CFAP210: variants seen among roughly 807,000 people sequenced by gnomAD.
CFAP210 encodes the protein cilia- and flagella- associated protein 210.
chr2:169,686,519 C>T, the CFAP210 span, among the ~76,000 whole-genome samples: 1 of 152,164 alleles, frequency 6.6e-6, no homozygotes, highest in African/African-American at 2.4e-5. Flanking sequence ...TGAGGGGCTG[C>T]ATTTGGTGAG....
At chr2:169,667,537 T>C in the CFAP210 span, among the ~76,000 whole-genome samples, 1 of 152,290 alleles carries the variant, frequency 6.6e-6, no homozygotes, top group African/African-American at 2.4e-5. Flanking sequence ...CTATGGCAGC[T>C]ACAGTCTTAT....
the CFAP210 span, among the ~76,000 whole-genome samples, chr2:169,666,390 T>C: frequency 2.0e-5 from 3 of 151,434 alleles, no homozygotes; most frequent in South Asian, 4.2e-4. Context: ...CTCAGAGATA[T>C]TGTGGGCTTG....
At chr2:169,675,188 GCTT>G in the CFAP210 span, 1 of 647,968 alleles carries the variant, frequency 1.5e-6, no homozygotes, top group African/African-American at 1.9e-5. Flanking sequence ...ACACTTATGA[GCTT>G]ATTTTTTAGA....
chr2:169,649,033 C>T, the CFAP210 span: 2 of 600,986 alleles, frequency 3.3e-6, no homozygotes, highest in African/African-American at 3.8e-5. Context: ...TAGAAACAAA[C>T]CTCACATTTT....
chr2:169,680,983 T>C, the CFAP210 span: 1 of 1,585,564 alleles, frequency 6.3e-7, no homozygotes, highest in Non-Finnish European at 8.7e-7. Context: ...AGTGCATGTG[T>C]ACTCCTGGAT....
At chr2:169,647,498 A>C in the CFAP210 span, among the ~76,000 whole-genome samples, 1 of 152,216 alleles carries the variant, frequency 6.6e-6, no homozygotes, top group Non-Finnish European at 1.5e-5. Context: ...TACATTTGGA[A>C]GATAATAGCT....
At chr2:169,665,017 G>C in the CFAP210 span, among the ~76,000 whole-genome samples, 3 of 152,190 alleles carry the variant, frequency 2.0e-5, no homozygotes, top group Non-Finnish European at 2.9e-5. Flanking sequence ...AGGGACTCCT[G>C]GGAAGAGCTG....
the CFAP210 span, among the ~76,000 whole-genome samples, chr2:169,682,950 T>C: frequency 6.6e-6 from 1 of 152,122 alleles, no homozygotes; most frequent in African/African-American, 2.4e-5. Flanking sequence ...TCTCAACAAA[T>C]ATTAGCTATT....
At chr2:169,685,618 G>T in the CFAP210 span, among the ~76,000 whole-genome samples, 1 of 152,046 alleles carries the variant, frequency 6.6e-6, no homozygotes, top group Non-Finnish European at 1.5e-5. Flanking sequence ...TTTGAGGAAG[G>T]CCAAATCTGT....
the CFAP210 span, among the ~76,000 whole-genome samples, chr2:169,675,479 G>A: frequency 1.3e-5 from 2 of 152,142 alleles, no homozygotes; most frequent in Admixed American, 6.6e-5. Context: ...CATGGCCAGA[G>A]CAGAAACAAG....
At chr2:169,678,670 C>G in the CFAP210 span, among the ~76,000 whole-genome samples, 1 of 151,634 alleles carries the variant, frequency 6.6e-6, no homozygotes. Context: ...ACTAAAAATA[C>G]AAAAATTAGC....
At chr2:169,674,471 TACTG>T in the CFAP210 span, 30 of 948,644 alleles carry the variant, frequency 3.2e-5, no homozygotes, top group African/African-American at 5.1e-5. Context: ...GTACTTTTTC[TACTG>T]ACTAATTATT....
chr2:169,669,007 CA>C, the CFAP210 span, among the ~76,000 whole-genome samples: 61 of 152,226 alleles, frequency 4.0e-4, no homozygotes, highest in Non-Finnish European at 7.5e-4. Context: ...AAAGCACAAT[CA>C]AACAAGGTAT....
chr2:169,649,679 A>G, the CFAP210 span, among the ~76,000 whole-genome samples: 3 of 152,180 alleles, frequency 2.0e-5, no homozygotes, highest in Non-Finnish European at 4.4e-5. Context: ...CTGTAATCTC[A>G]GCACTTTGGG....
chr2:169,652,596 T>G, the CFAP210 span, among the ~76,000 whole-genome samples: 2 of 152,028 alleles, frequency 1.3e-5, no homozygotes, highest in South Asian at 2.1e-4. Context: ...CTGGGCAACA[T>G]AGCAAGACCT....
the CFAP210 span, chr2:169,649,085 T>G: frequency 9.4e-7 from 1 of 1,061,654 alleles, no homozygotes; most frequent in Non-Finnish European, 1.3e-6. Flanking sequence ...ACCATTTTTT[T>G]CTTACCTGAT....
chr2:169,677,755 GAA>G, the CFAP210 span, among the ~76,000 whole-genome samples: 5 of 151,642 alleles, frequency 3.3e-5, no homozygotes, highest in Admixed American at 6.6e-5. Context: ...ATCCAGATTG[GAA>G]AAAAAAGAAT....
At chr2:169,674,990 T>A in the CFAP210 span, 3 of 1,546,624 alleles carry the variant, frequency 1.9e-6, no homozygotes, top group Non-Finnish European at 2.6e-6. Context: ...TTTCTGCCTC[T>A]ATTTCTTCAT....
the CFAP210 span, among the ~76,000 whole-genome samples, chr2:169,663,541 T>A: frequency 2.0e-5 from 3 of 152,180 alleles, no homozygotes; most frequent in African/African-American, 7.2e-5. Context: ...AAACATTTTT[T>A]ACTGGAGTCC....
Sources: allele counts gnomAD v4.1 joint callset (sites outside exome capture counted in the v4.1 genomes callset), GRCh38; gene constraint gnomAD v4.1.1; transcripts MANE v1.5; gene names NCBI Gene and HGNC (gene_info 2026-07-23, HGNC 2026-07-21).